Variants in RNU4-2 observed in about 807,000 individuals in gnomAD.
RNU4-2 encodes the protein RNA, U4 small nuclear 2.
chr12:120,291,894 G>C (rs527330716), exon 1 of RNU4-2: 2 of 152,236 alleles, frequency 1.3e-5, no homozygotes, highest in South Asian at 2.1e-4. Context: ...TACTGCCACT[G>C]CGCAAAGCTG....
exon 1 of RNU4-2, chr12:120,291,812 G>T (rs550542761): frequency 6.6e-6 from 1 of 152,224 alleles, no homozygotes; most frequent in Admixed American, 6.6e-5. Context: ...ATTTCAAGTC[G>T]TCATGGCGGG....
At chr12:120,291,814 C>G (rs1010774767) in exon 1 of RNU4-2, 1 of 152,194 alleles carries the variant, frequency 6.6e-6, no homozygotes, top group South Asian at 2.1e-4. Flanking sequence ...TTCAAGTCGT[C>G]ATGGCGGGGT....
chr12:120,291,763 T>G (rs570671979), exon 1 of RNU4-2: 2 of 152,130 alleles, frequency 1.3e-5, no homozygotes, highest in African/African-American at 2.4e-5. Flanking sequence ...AAAAATTCAG[T>G]CTCCGTAGAG....
rs1442363083 is a variant in RNU4-2 at position 120,291,854 on chromosome 12, C to G, written n.50G>C. On this transcript the variant is annotated non_coding_transcript_exon_variant, in exon 1 of 1. Transcript: ENST00000365668. The stretch of plus-strand genomic sequence containing the variant: ...GGAAAAGTTTTCAATTAGCAATAAT[C>G]GCGCCTCGGATAAACCTCATTGGCT... 1 of 152,108 alleles carries G rather than the reference C, an allele frequency of 6.6e-6. No individual in the cohort carries two copies. The highest frequency in any genetic ancestry group is 2.1e-4 in the South Asian group (1 of 4,830). 9.4% of individuals were successfully genotyped at this position (152,108 alleles called of 1,614,324 possible).
At chr12:120,291,801 T>A (rs915345123) in exon 1 of RNU4-2, 1 of 152,228 alleles carries the variant, frequency 6.6e-6, no homozygotes, top group African/African-American at 2.4e-5. Context: ...ATGCCGACTA[T>A]ATTTCAAGTC....
In RNU4-2 at chr12:120,291,893, T is replaced by G. The variant is rs1214132668; in HGVS notation, n.11A>C. On this transcript the variant is annotated non_coding_transcript_exon_variant, in exon 1 of 1. Transcript: ENST00000365668. Reference sequence around the variant, plus strand: ...ACCTCATTGGCTACGATACTGCCACTGCGCAAAGCTGGAAAGGTTCTGTTC... The same window carrying G: ...ACCTCATTGGCTACGATACTGCCACGGCGCAAAGCTGGAAAGGTTCTGTTC... 2.0e-5 allele frequency: 3 copies of G among 152,178 alleles called. No homozygotes were observed. Among genetic ancestry groups the G allele is most frequent in the Non-Finnish European group, 2.9e-5 (2 of 68,038 alleles). The allele number at this position is 152,178 out of a possible 1,614,324, so 9.4% of individuals were successfully genotyped here.
exon 1 of RNU4-2, chr12:120,291,798 C>A (rs1397751930): frequency 1.3e-5 from 2 of 152,156 alleles, no homozygotes; most frequent in Non-Finnish European, 2.9e-5. Context: ...CCAATGCCGA[C>A]TATATTTCAA....
exon 1 of RNU4-2, chr12:120,291,810 T>TC (rs1871977188): frequency 6.6e-6 from 1 of 152,182 alleles, no homozygotes; most frequent in African/African-American, 2.4e-5. Flanking sequence ...ATATTTCAAG[T>TC]CGTCATGGCG....
exon 1 of RNU4-2, chr12:120,291,847 C>G (rs1040338287): frequency 1.3e-5 from 2 of 152,106 alleles, no homozygotes; most frequent in South Asian, 2.1e-4. Context: ...TTTCAATTAG[C>G]AATAATCGCG....
exon 1 of RNU4-2, chr12:120,291,864 A>C (rs893585744): frequency 1.3e-5 from 2 of 152,138 alleles, no homozygotes; most frequent in African/African-American, 2.4e-5. Context: ...CGCGCCTCGG[A>C]TAAACCTCAT....
At chr12:120,291,809 G>C (rs537173863) in exon 1 of RNU4-2, 10 of 152,294 alleles carry the variant, frequency 6.6e-5, no homozygotes, top group East Asian at 1.9e-4. Flanking sequence ...TATATTTCAA[G>C]TCGTCATGGC....
chr12:120,291,800 A>C (rs761371780), exon 1 of RNU4-2: 2 of 152,216 alleles, frequency 1.3e-5, no homozygotes, highest in Admixed American at 6.5e-5. Context: ...AATGCCGACT[A>C]TATTTCAAGT....
exon 1 of RNU4-2, chr12:120,291,769 T>G (rs1195371703): frequency 6.6e-6 from 1 of 152,202 alleles, no homozygotes; most frequent in African/African-American, 2.4e-5. Context: ...TCAGTCTCCG[T>G]AGAGACTGTC....
At position 120,291,818 on chromosome 12, in the gene RNU4-2, G is replaced by A. The variant is rs534038451; in HGVS notation, n.86C>T. 1.3e-4 allele frequency: 20 copies of A among 152,096 alleles called. No individual in the cohort carries two copies. Among genetic ancestry groups the A allele is most frequent in the Non-Finnish European group, 2.2e-4 (15 of 68,032 alleles). The allele number at this position is 152,096 out of a possible 1,614,324, so 9.4% of individuals were successfully genotyped here. A position where few individuals can be genotyped will look rare whatever the true frequency, so the allele number is the denominator to read the frequency against. On this transcript the variant is annotated non_coding_transcript_exon_variant, in exon 1 of 1. Transcript: ENST00000365668. Reference sequence around the variant, plus strand: ...GCCGACTATATTTCAAGTCGTCATGGCGGGGTATTGGGAAAAGTTTTCAAT... The same window carrying A: ...GCCGACTATATTTCAAGTCGTCATGACGGGGTATTGGGAAAAGTTTTCAAT...
exon 1 of RNU4-2, chr12:120,291,787 G>A (rs1023592308): frequency 2.0e-5 from 3 of 152,104 alleles, no homozygotes; most frequent in African/African-American, 2.4e-5. Flanking sequence ...GTCAAAAATT[G>A]CCAATGCCGA....
chr12:120,291,886 C>G (rs559984966), exon 1 of RNU4-2: 1 of 152,126 alleles, frequency 6.6e-6, no homozygotes, highest in Non-Finnish European at 1.5e-5. Context: ...GGCTACGATA[C>G]TGCCACTGCG....
At chr12:120,291,805 T>C (rs575168828) in exon 1 of RNU4-2, 9 of 152,312 alleles carry the variant, frequency 5.9e-5, no homozygotes, top group South Asian at 2.1e-4. Flanking sequence ...CGACTATATT[T>C]CAAGTCGTCA....
At chr12:120,291,875 T>A (rs575395942) in exon 1 of RNU4-2, 2 of 152,248 alleles carry the variant, frequency 1.3e-5, no homozygotes, top group East Asian at 3.9e-4. Flanking sequence ...TAAACCTCAT[T>A]GGCTACGATA....
chr12:120,291,902 C>G (rs1011911000), exon 1 of RNU4-2: 2 of 152,212 alleles, frequency 1.3e-5, no homozygotes, highest in Non-Finnish European at 2.9e-5. Context: ...CTGCGCAAAG[C>G]TGGAAAGGTT....
Sources: allele counts gnomAD v4.1 joint callset, GRCh38; gene constraint gnomAD v4.1.1; transcripts MANE v1.5; gene names NCBI Gene and HGNC (gene_info 2026-07-23, HGNC 2026-07-21).